ZBTB40: variants seen among roughly 807,000 people sequenced by gnomAD.
ZBTB40 encodes zinc finger and BTB domain-containing protein 40.
ZBTB40 carries 60 observed loss-of-function variants against 117.5 expected under a neutral mutation model. The ratio of observed to expected loss-of-function variants is 0.51; its 90% CI spans 0.41 to 0.63. The LOEUF (loss-of-function observed/expected upper bound fraction) is 0.63, where lower values mean the gene tolerates loss of function less well. Among genes scored for constraint, ZBTB40 ranks in the 30% least tolerant of loss-of-function variants. The pLI is 0.00. For missense variants in ZBTB40, 1,287 were observed against 1,498.5 expected, an observed-to-expected ratio of 0.86 and a Z score of 2.33; for synonymous variants, 525 against 577.1, an observed-to-expected ratio of 0.91 and a Z score of 1.29.
intron 1 of ZBTB40, among the ~76,000 whole-genome samples, chr1:22,437,109 A>G (rs1041973558): frequency 1.3e-5 from 2 of 152,216 alleles, no homozygotes; most frequent in African/African-American, 4.8e-5. Flanking sequence ...AACAATAAGT[A>G]AAAGCCAAAC....
upstream of ZBTB40, among the ~76,000 whole-genome samples, chr1:22,448,092 A>G (rs564255723): frequency 3.9e-5 from 6 of 152,236 alleles, no homozygotes; most frequent in Non-Finnish European, 8.8e-5. Context: ...GACTCTGGGC[A>G]TAGAATTTGA....
chr1:22,524,440 C>T lies in ZBTB40; in HGVS notation c.3521C>T (p.Ala1174Val), dbSNP rs776709448. 39 of 1,613,208 alleles carry T rather than the reference C, an allele frequency of 2.4e-5. No individual in the cohort carries two copies. Among genetic ancestry groups the T allele is most frequent in the Non-Finnish European group, 2.9e-5 (34 of 1,180,018 alleles). The change falls in exon 17 of 18, where the codon GCG becomes GTG. Residue 1174 changes from alanine (A) to valine (V), a missense_variant. By Grantham distance (64) the Ala-to-Val change is moderately conservative. Coordinates refer to ENST00000375647, the MANE Select transcript of ZBTB40 (RefSeq NM_014870.4). ...TETQAAASQMAQVIQTPEPVA... is the reference protein window; with the variant it reads ...TETQAAASQMVQVIQTPEPVA... The stretch of plus-strand genomic sequence containing the variant: ...ACCCAGGCCGCAGCCTCACAGATGG[C>T]GCAGGTGATTCTGGGGCCATCAGCT...
intron 5 of ZBTB40, among the ~76,000 whole-genome samples, chr1:22,503,166 A>G (rs1432000714): frequency 6.6e-6 from 1 of 151,664 alleles, no homozygotes; most frequent in Non-Finnish European, 1.5e-5. Context: ...TTGCACATAA[A>G]TCTTTCCATA....
intron 1 of ZBTB40, among the ~76,000 whole-genome samples, chr1:22,460,031 T>G (rs567184293): frequency 3.7e-4 from 57 of 152,300 alleles, no homozygotes; most frequent in Non-Finnish European, 7.5e-4. Flanking sequence ...ATTCCAAACA[T>G]TTTGCATGCG....
intron 9 of ZBTB40, among the ~76,000 whole-genome samples, chr1:22,510,750 T>C (rs1639210052): frequency 6.6e-6 from 1 of 152,232 alleles, no homozygotes; most frequent in Non-Finnish European, 1.5e-5. Context: ...TCATGCAGAA[T>C]TACTTCCAGA....
chr1:22,474,786 A>G (rs954509240), intron 1 of ZBTB40, among the ~76,000 whole-genome samples: 1 of 152,158 alleles, frequency 6.6e-6, no homozygotes, highest in African/African-American at 2.4e-5. Context: ...TCATGCAACA[A>G]GAGTATGTGA....
chr1:22,502,868 A>G (rs1638979545), intron 5 of ZBTB40, among the ~76,000 whole-genome samples: 1 of 152,220 alleles, frequency 6.6e-6, no homozygotes, highest in South Asian at 2.1e-4. Flanking sequence ...ATAGAAATGT[A>G]CTGTACATTT....
chr1:22,520,964 A>G (rs1364928177), intron 14 of ZBTB40, among the ~76,000 whole-genome samples: 5 of 152,378 alleles, frequency 3.3e-5, no homozygotes, highest in South Asian at 2.1e-4. Context: ...TGGTAGGGAA[A>G]GTATTCCCAG....
chr1:22,439,827 T>C (rs1360865407), intron 1 of ZBTB40, among the ~76,000 whole-genome samples: 1 of 152,224 alleles, frequency 6.6e-6, no homozygotes, highest in African/African-American at 2.4e-5. Context: ...ACCATTAATA[T>C]TCCATATAAA....
In ZBTB40 at chr1:22,509,138, A is replaced by T. The variant is rs1015172397; in HGVS notation, c.1738A>T (p.Arg580Trp). The T allele has an allele frequency of 6.2e-7, 1 of 1,613,940 alleles. No individual in the cohort carries two copies. The highest frequency in any genetic ancestry group is 1.3e-5 in the African/African-American group (1 of 74,886). ...ACATGCCACTTTAGAAACAATCCTG[A>T]GGCATAACCAGTTGATCTTGGAGGC... ...PEHATLETIL[R>W]HNQLILEAIQ... The change falls in exon 9 of 18, where the codon AGG becomes TGG. Residue 580 changes from arginine to tryptophan, a missense_variant. Physicochemically the swap from Arg to Trp is moderately radical, Grantham distance 101. This residue lies in a region of ZBTB40 where 870 missense variants were observed against 934.4 expected (regional missense o/e 0.93). Coordinates refer to ENST00000375647, the MANE Select transcript of ZBTB40 (RefSeq NM_014870.4).
intron 3 of ZBTB40, among the ~76,000 whole-genome samples, chr1:22,500,161 C>T (rs1341347501): frequency 8.5e-5 from 13 of 152,294 alleles, no homozygotes; most frequent in East Asian, 5.8e-4. Context: ...TGAACCTTAC[C>T]TTCCAATTGA....
chr1:22,444,031 T>C (rs1453087483), intron 1 of ZBTB40, among the ~76,000 whole-genome samples: 4 of 152,144 alleles, frequency 2.6e-5, no homozygotes, highest in Admixed American at 6.5e-5. Flanking sequence ...TAGTCAGACA[T>C]AAGCGGGGCA....
intron 6 of ZBTB40, 152 bp from the exon 7 acceptor site, chr1:22,507,849 C>T: frequency 9.3e-7 from 1 of 1,074,134 alleles, no homozygotes; most frequent in African/African-American, 1.6e-5. Context: ...GAGCTCTGAA[C>T]ATATGTGTAT....
In ZBTB40 at chr1:22,509,235, T is replaced by G; in HGVS notation, c.1833+2T>G. 6.2e-7 allele frequency: 1 copy of G among 1,614,068 alleles called. No individual in the cohort carries two copies. The highest frequency in any genetic ancestry group is 1.1e-5 in the South Asian group (1 of 91,082). On this transcript the variant is annotated splice_donor_variant, in intron 9 of 17. Transcript: ENST00000375647. LOFTEE classifies it high-confidence loss of function. ...CACCTGGCAGAGACTGTGAAAGAGGTGTGGTGGGAATAAAAAGCGAAATGC... is the reference window on the plus strand; with the variant it reads ...CACCTGGCAGAGACTGTGAAAGAGGGGTGGTGGGAATAAAAAGCGAAATGC...
At chr1:22,505,990 T>A in intron 5 of ZBTB40, 59 bp from the exon 6 acceptor site, 1 of 1,579,878 alleles carries the variant, frequency 6.3e-7, no homozygotes, top group Non-Finnish European at 8.7e-7. Flanking sequence ...TCCAGTAGTG[T>A]GTCAGATAAA....
rs114753270 is a variant in ZBTB40 at position 22,460,160 on chromosome 1, C to G, written c.-70+8156C>G. ...TCACTCTCACCTCTTAGCACTGTGT[C>G]CTGCGTACAGTTCAGTCAGAACATA... is the stretch of plus-strand genomic sequence containing the variant. On this transcript the variant is annotated intron_variant, in intron 1 of 17. Transcript: ENST00000375647. Among the ~76,000 whole-genome samples the G allele has an allele frequency of 8.7e-3, 1,325 of 152,200 alleles. 10 individuals are homozygous for G. The highest frequency in any genetic ancestry group is 0.03 in the African/African-American group (1,256 of 41,514).
At chr1:22,434,744 T>C (rs906809716) in intron 1 of ZBTB40, among the ~76,000 whole-genome samples, 5 of 152,210 alleles carry the variant, frequency 3.3e-5, no homozygotes, top group Non-Finnish European at 5.9e-5. Flanking sequence ...CTGGACTTTC[T>C]TTTTGTTCTA....
intron 4 of ZBTB40, among the ~76,000 whole-genome samples, 168 bp from the exon 5 acceptor site, chr1:22,502,131 A>G (rs1638952188): frequency 1.3e-5 from 2 of 152,346 alleles, no homozygotes; most frequent in South Asian, 4.1e-4. Flanking sequence ...TAGAGTTTAA[A>G]CAGAATAATA....
chr1:22,526,859 G>A lies in ZBTB40; in HGVS notation c.*463G>A, dbSNP rs1639693220. On this transcript the variant is annotated 3_prime_UTR_variant, in exon 18 of 18. Coordinates refer to ENST00000375647, the MANE Select transcript of ZBTB40 (RefSeq NM_014870.4). ...GCCTCTGGCCATTTAAAGTGAGAGG[G>A]GCACCAACAGACAATTCGGGGACCT... The A allele has an allele frequency of 7.2e-6, 2 of 276,250 alleles. No homozygotes were observed. The highest frequency in any genetic ancestry group is 1.4e-5 in the Non-Finnish European group (2 of 140,506). 17.1% of individuals were successfully genotyped at this position (276,250 alleles called of 1,614,324 possible).
Sources: gnomAD v4.1 joint callset for allele counts (sites outside exome capture counted in the v4.1 genomes callset) on GRCh38, gnomAD v4.1.1 for gene constraint, gnomAD v4.1.1 regional missense constraint, MANE v1.5 for transcripts, NCBI Gene and HGNC (gene_info 2026-07-23, HGNC 2026-07-21) for gene names.